The following GABRB1 variants were observed in gnomAD, a reference collection of about 807,000 sequenced individuals.
The protein encoded by GABRB1 is gamma-aminobutyric acid receptor subunit beta-1.
Under a neutral mutation model 51.6 loss-of-function variants are expected in GABRB1, and 17 were observed. The ratio of observed to expected loss-of-function variants is 0.33; its 90% confidence interval spans 0.23 to 0.49. The LOEUF is 0.49. GABRB1 is among the 20% of genes least tolerant of loss of function. GABRB1 has a pLI of 0.99. For missense variants in GABRB1, 410 were observed against 600.6 expected (o/e 0.68, Z 3.32); for synonymous variants, 247 against 218.9 (o/e 1.13, Z -1.14).
chr4:47,334,946 C>CT (rs1385064185), intron 5 of GABRB1, among the ~76,000 whole-genome samples: 1 of 152,150 alleles, frequency 6.6e-6, no homozygotes, highest in Admixed American at 6.6e-5. Flanking sequence ...GAAAACCTAT[C>CT]TTTTTGTAAT....
intron 4 of GABRB1, among the ~76,000 whole-genome samples, 195 bp downstream of exon 4, chr4:47,161,664 A>C (rs1178240763): frequency 1.3e-5 from 2 of 152,196 alleles, no homozygotes; most frequent in Non-Finnish European, 2.9e-5. Context: ...ACACATCAAA[A>C]TTAACTACCA....
intron 4 of GABRB1, among the ~76,000 whole-genome samples, chr4:47,242,115 C>T (rs1020275714): frequency 1.3e-5 from 2 of 152,038 alleles, no homozygotes; most frequent in African/African-American, 4.8e-5. Flanking sequence ...CCGTTCCCAC[C>T]TATGAGTGAG....
intron 3 of GABRB1, among the ~76,000 whole-genome samples, chr4:47,058,159 G>A (rs1726699151): frequency 6.6e-6 from 1 of 152,148 alleles, no homozygotes; most frequent in South Asian, 2.1e-4. Context: ...AAGGATTCAC[G>A]AGATGCTGAT....
chr4:47,104,597 G>T (rs1171536220), intron 3 of GABRB1, among the ~76,000 whole-genome samples: 1 of 150,624 alleles, frequency 6.6e-6, no homozygotes, highest in Non-Finnish European at 1.5e-5. Context: ...ATAGCTGTTG[G>T]GTATTCTGTT....
At chr4:47,201,809 T>A (rs1018961288) in intron 4 of GABRB1, among the ~76,000 whole-genome samples, 3 of 152,296 alleles carry the variant, frequency 2.0e-5, no homozygotes, top group South Asian at 4.1e-4. Flanking sequence ...ATAGCACAAG[T>A]GCTTATTTTT....
intron 8 of GABRB1, 130 bp from the exon 9 acceptor site, chr4:47,425,544 G>C (rs954724140): frequency 1.5e-6 from 1 of 659,428 alleles, no homozygotes; most frequent in South Asian, 1.9e-5. Context: ...CCACATCAGG[G>C]AGGCACATCA....
intron 8 of GABRB1, 137 bp from the exon 9 acceptor site, chr4:47,425,537 C>T: frequency 1.6e-6 from 1 of 619,674 alleles, no homozygotes; most frequent in South Asian, 2.0e-5. Flanking sequence ...TCTATCTCCA[C>T]ATCAGGGAGG....
At chr4:47,238,021 AT>A (rs1721391883) in intron 4 of GABRB1, among the ~76,000 whole-genome samples, 1 of 152,016 alleles carries the variant, frequency 6.6e-6, no homozygotes, top group African/African-American at 2.4e-5. Context: ...AAATAACTCA[AT>A]CAAAAAACAT....
chr4:47,378,859 G>A (rs933331688), intron 5 of GABRB1, among the ~76,000 whole-genome samples: 2 of 152,072 alleles, frequency 1.3e-5, no homozygotes, highest in Admixed American at 6.5e-5. Flanking sequence ...TAATTTCACA[G>A]AGGAGGTAGC....
At chr4:47,104,360 T>A (rs1714855170) in intron 3 of GABRB1, among the ~76,000 whole-genome samples, 1 of 151,926 alleles carries the variant, frequency 6.6e-6, no homozygotes, top group Admixed American at 6.6e-5. Context: ...TCAATTTATG[T>A]CTATATTTTA....
intron 8 of GABRB1, among the ~76,000 whole-genome samples, chr4:47,410,558 G>A (rs1179385610): frequency 1.3e-5 from 2 of 152,176 alleles, no homozygotes; most frequent in African/African-American, 2.4e-5. Flanking sequence ...GAGTTTGATT[G>A]TTCCAGAGTT....
At chr4:47,183,187 A>G (rs1719027626) in intron 4 of GABRB1, among the ~76,000 whole-genome samples, 1 of 151,494 alleles carries the variant, frequency 6.6e-6, no homozygotes, top group Non-Finnish European at 1.5e-5. Context: ...TTTCACTGAC[A>G]TCTCTGTGAC....
chr4:47,282,103 C>G (rs1723313439), intron 4 of GABRB1, among the ~76,000 whole-genome samples: 1 of 152,142 alleles, frequency 6.6e-6, no homozygotes, highest in African/African-American at 2.4e-5. Flanking sequence ...TTGATTGACT[C>G]TTTCTATAAT....
chr4:47,217,447 A>G (rs1396599906), intron 4 of GABRB1, among the ~76,000 whole-genome samples: 3 of 151,936 alleles, frequency 2.0e-5, no homozygotes, highest in Non-Finnish European at 4.4e-5. Context: ...CTGAGAGATT[A>G]AAAACTCTCA....
At chr4:47,365,591 G>C (rs534021398) in intron 5 of GABRB1, among the ~76,000 whole-genome samples, 1 of 152,236 alleles carries the variant, frequency 6.6e-6, no homozygotes, top group East Asian at 1.9e-4. Context: ...TGTGTCCTGG[G>C]AGGGTGACCT....
intron 5 of GABRB1, among the ~76,000 whole-genome samples, chr4:47,354,492 T>G (rs560627502): frequency 3.3e-5 from 5 of 152,288 alleles, no homozygotes; most frequent in Admixed American, 1.3e-4. Flanking sequence ...CCCAGAACTC[T>G]GTGTTCTCAT....
At chr4:47,282,770 T>C (rs1231162444) in intron 4 of GABRB1, among the ~76,000 whole-genome samples, 1 of 152,212 alleles carries the variant, frequency 6.6e-6, no homozygotes, top group Non-Finnish European at 1.5e-5. Flanking sequence ...AATAAGCACA[T>C]AAGAAAGATT....
intron 4 of GABRB1, among the ~76,000 whole-genome samples, chr4:47,249,702 T>A (rs1369015188): frequency 1.3e-5 from 2 of 152,208 alleles, no homozygotes; most frequent in Non-Finnish European, 2.9e-5. Context: ...CTCTTCTAAC[T>A]ACTGTTGCTT....
At chr4:47,377,587 G>T (rs560068496) in intron 5 of GABRB1, among the ~76,000 whole-genome samples, 2 of 152,016 alleles carry the variant, frequency 1.3e-5, no homozygotes, top group East Asian at 3.9e-4. Context: ...GGACCCAAGC[G>T]GGTTGCCACT....
Sources: allele counts gnomAD v4.1 joint callset (sites outside exome capture counted in the v4.1 genomes callset), GRCh38; gene constraint gnomAD v4.1.1; transcripts MANE v1.5; gene names NCBI Gene and HGNC (gene_info 2026-07-23, HGNC 2026-07-21).